STAU1: variants seen among roughly 807,000 people sequenced by gnomAD.
STAU1 encodes the protein double-stranded RNA-binding protein Staufen homolog 1.
A neutral mutation model predicts 62.9 loss-of-function variants in STAU1; 13 were observed. That is an observed-to-expected ratio of 0.21 (90% CI 0.13 to 0.33). The LOEUF is 0.33. Among genes scored for constraint, STAU1 ranks in the 10% least tolerant of loss-of-function variants. STAU1 has a pLI of 1.00. For synonymous variants in STAU1, 269 were observed against 265.1 expected (o/e 1.01, Z -0.14); for missense variants, 571 against 712.1 (o/e 0.80, Z 2.25).
At position 49,153,924 on chromosome 20, in the gene STAU1, A is replaced by G; in HGVS notation, c.344+9T>C. 6.5e-7 allele frequency: 1 copy of G among 1,533,722 alleles called. No homozygotes were observed. The highest frequency in any genetic ancestry group is 8.7e-7 in the Non-Finnish European group (1 of 1,147,324). On this transcript the variant is annotated intron_variant, in intron 4 of 13. Transcript: ENST00000371856. ...TATTTTACAAAAAAAAAAAAAAAAA[A>G]ACACATACCTCGGGGGATAAGCACC...
chr20:49,187,591 G>A (rs1449547516), intron 1 of STAU1, among the ~76,000 whole-genome samples: 1 of 152,164 alleles, frequency 6.6e-6, no homozygotes, highest in African/African-American at 2.4e-5. Flanking sequence ...TTAAGAGGCA[G>A]GGACGGTATT....
rs187971269 is a variant in STAU1 at position 49,125,110 on chromosome 20, G to A, written c.610-523C>T. Among the ~76,000 whole-genome samples, 476 of 125,122 alleles carry A rather than the reference G, an allele frequency of 3.8e-3. 2 individuals are homozygous for A. The highest frequency in any genetic ancestry group is 6.5e-3 in the Non-Finnish European group (401 of 61,788). 82.1% of individuals were successfully genotyped at this position (125,122 alleles called of 152,430 possible). On this transcript the variant is annotated intron_variant, in intron 6 of 13. Coordinates refer to ENST00000371856, the MANE Select transcript of STAU1 (RefSeq NM_017453.4). ...AAAAAAACCCACAAAAGAGTATATG[G>A]TATGGTAGCTTTAGTTTAAGAAAAA... is the stretch of plus-strand genomic sequence containing the variant.
chr20:49,211,418 T>C, the STAU1 span, among the ~76,000 whole-genome samples: 1 of 151,886 alleles, frequency 6.6e-6, no homozygotes, highest in Non-Finnish European at 1.5e-5. Context: ...TTACCCAGGC[T>C]GGAGTGTAGT....
At chr20:49,145,560 GT>G (rs1568872450) in intron 5 of STAU1, among the ~76,000 whole-genome samples, 1 of 150,192 alleles carries the variant, frequency 6.7e-6, no homozygotes, top group East Asian at 2.0e-4. Flanking sequence ...GTGAAACCCC[GT>G]CTCTACTAAA....
At chr20:49,191,542 T>C (rs1213445573), upstream of STAU1, among the ~76,000 whole-genome samples, 2 of 151,834 alleles carry the variant, frequency 1.3e-5, no homozygotes, top group Non-Finnish European at 2.9e-5. Context: ...TGCTGAAAAA[T>C]TACAGCCTTG....
chr20:49,198,646 A>G, the STAU1 span, among the ~76,000 whole-genome samples: 1 of 151,652 alleles, frequency 6.6e-6, no homozygotes, highest in Non-Finnish European at 1.5e-5. Context: ...CCTGGCCCAC[A>G]TGATAAAACT....
chr20:49,158,352 C>A, intron 3 of STAU1: 1 of 948,790 alleles, frequency 1.1e-6, no homozygotes, highest in Non-Finnish European at 1.5e-6. Flanking sequence ...CTTTATCTCA[C>A]TTACAAATAA....
chr20:49,218,621 G>A, the STAU1 span, among the ~76,000 whole-genome samples: 2 of 152,080 alleles, frequency 1.3e-5, no homozygotes, highest in African/African-American at 4.8e-5. Flanking sequence ...GAACTCCTGA[G>A]CACAAGCGAT....
the STAU1 span, among the ~76,000 whole-genome samples, chr20:49,215,809 C>G: frequency 0.21 from 32,379 of 151,500 alleles, 3,771 homozygotes; most frequent in East Asian, 0.35. Flanking sequence ...GAGTTTGAGA[C>G]CAGACTGGCC....
chr20:49,202,389 C>T, the STAU1 span, among the ~76,000 whole-genome samples: 1 of 151,576 alleles, frequency 6.6e-6, no homozygotes, highest in Non-Finnish European at 1.5e-5. Context: ...TGGTAAAACT[C>T]GATCTCTACT....
At chr20:49,136,196 A>T (rs144253575) in intron 5 of STAU1, among the ~76,000 whole-genome samples, 88 of 152,282 alleles carry the variant, frequency 5.8e-4, no homozygotes, top group African/African-American at 2.1e-3. Flanking sequence ...AACTACTTGG[A>T]GGGCTGAGGC....
At chr20:49,160,887 C>A (rs1180095446) in intron 3 of STAU1, among the ~76,000 whole-genome samples, 4 of 152,140 alleles carry the variant, frequency 2.6e-5, no homozygotes, top group Admixed American at 6.6e-5. Context: ...CTTGTGCAAA[C>A]AAGCAGGAGA....
the STAU1 span, among the ~76,000 whole-genome samples, chr20:49,214,590 C>A: frequency 7.3e-5 from 11 of 151,194 alleles, no homozygotes; most frequent in African/African-American, 2.7e-4. Flanking sequence ...AGATCTCAAA[C>A]AGACCTAGAG....
intron 6 of STAU1, among the ~76,000 whole-genome samples, chr20:49,134,122 G>C (rs1425757315): frequency 1.3e-5 from 2 of 152,068 alleles, no homozygotes; most frequent in African/African-American, 4.8e-5. Flanking sequence ...TTATTTCTAA[G>C]GTAAACATTA....
intron 6 of STAU1, among the ~76,000 whole-genome samples, chr20:49,129,279 A>ATT (rs1337866356): frequency 0.034 from 3,416 of 100,478 alleles, 76 homozygotes; most frequent in Non-Finnish European, 0.042. Flanking sequence ...TTTAAAAAAA[A>ATT]ATTTTTTTTT....
At chr20:49,134,702 A>G in intron 6 of STAU1, 1 of 1,085,764 alleles carries the variant, frequency 9.2e-7, no homozygotes, top group Non-Finnish European at 1.4e-6. Flanking sequence ...AACTCTCTAC[A>G]TTTCTGAATG....
chr20:49,151,796 C>A lies in STAU1; in HGVS notation c.345-49G>T. The A allele has an allele frequency of 2.6e-6, 4 of 1,520,956 alleles. No homozygotes were observed. The South Asian group carries it at 3.7e-5, about 14-fold the overall frequency. 94.2% of individuals were successfully genotyped at this position (1,520,956 alleles called of 1,614,324 possible). ...AAATTACAGTCTCAAGTTGATAAGT[C>A]ACCTATACACTCTCTGGCAAATGCA... is the stretch of plus-strand genomic sequence containing the variant. On this transcript the variant is annotated intron_variant, in intron 4 of 13. Transcript: ENST00000371856.
At chr20:49,123,325 G>T in intron 7 of STAU1, 90 bp from the exon 8 acceptor site, 1 of 1,575,620 alleles carries the variant, frequency 6.3e-7, no homozygotes, top group Non-Finnish European at 8.7e-7. Context: ...GGAGATAAGA[G>T]ATTTTGGGTT....
chr20:49,167,138 C>T (rs78919084), intron 2 of STAU1, among the ~76,000 whole-genome samples: 10 of 152,020 alleles, frequency 6.6e-5, no homozygotes, highest in Admixed American at 1.3e-4. Context: ...AATTTCTTCA[C>T]GAGACAAAAA....
Sources: allele counts gnomAD v4.1 joint callset (sites outside exome capture counted in the v4.1 genomes callset), GRCh38; gene constraint gnomAD v4.1.1; transcripts MANE v1.5; gene names NCBI Gene and HGNC (gene_info 2026-07-23, HGNC 2026-07-21).